SLC22A23: variants seen among roughly 807,000 people sequenced by gnomAD.
SLC22A23 encodes the protein ion transporter protein.
In SLC22A23, 26 loss-of-function variants were observed where a neutral mutation model predicts 61.0. The ratio of observed to expected loss-of-function variants is 0.43; its 90% confidence interval spans 0.31 to 0.59. SLC22A23 has a LOEUF of 0.59. Among genes scored for constraint, SLC22A23 ranks in the 20% least tolerant of loss-of-function variants. The pLI is 0.11. For synonymous variants in SLC22A23, 430 were observed against 413.9 expected (o/e 1.04, Z -0.47); for missense variants, 796 against 934.7 (o/e 0.85, Z 1.94).
Position 3,317,688 on chromosome 6 carries a change from G to A in SLC22A23, c.1082+6146C>T, listed in dbSNP as rs569892842. Among the ~76,000 whole-genome samples the A allele has an allele frequency of 2.0e-5, 3 of 152,198 alleles. No individual in the cohort carries two copies. The highest frequency in any genetic ancestry group is 2.1e-4 in the South Asian group (1 of 4,820). On this transcript the variant is annotated intron_variant, in intron 4 of 9. Coordinates refer to ENST00000406686, the MANE Select transcript of SLC22A23 (RefSeq NM_015482.2). This position sits in a 1 kb window ranked among gnomAD's most constrained non-coding sequence, Gnocchi z 4.4. ...GATGCATTTCTCTTCAGGCATCTGC[G>A]TCCATCAGTGCAATCACCCAGCGCT...
chr6:3,392,958 CAG>C (rs1384658891), intron 3 of SLC22A23, among the ~76,000 whole-genome samples: 4 of 152,094 alleles, frequency 2.6e-5, no homozygotes, highest in Admixed American at 2.0e-4. Flanking sequence ...AGCAGACACA[CAG>C]AGAGTGTAGA....
intron 3 of SLC22A23, among the ~76,000 whole-genome samples, chr6:3,340,484 A>G (rs142309819): frequency 2.7e-4 from 41 of 152,276 alleles, no homozygotes; most frequent in African/African-American, 9.9e-4. Flanking sequence ...TAACCATGAG[A>G]TAAATGAACT....
rs1180004480 is a variant in SLC22A23, at chr6:3,323,698, G to A, written c.1082+136C>T. ...TAAACAATAAAATTTTTTAAAAAGAGAGGAAAACCTTCTCAGACAGAACCA... is the reference window on the plus strand; with the variant it reads ...TAAACAATAAAATTTTTTAAAAAGAAAGGAAAACCTTCTCAGACAGAACCA... On this transcript the variant is annotated intron_variant, in intron 4 of 9. Coordinates refer to ENST00000406686, the MANE Select transcript of SLC22A23 (RefSeq NM_015482.2). 1.3e-5 allele frequency: 13 copies of A among 1,033,168 alleles called. No homozygotes were observed. In the South Asian group the frequency reaches 2.3e-4, roughly 19 times the overall value. The allele number at this position is 1,033,168 out of a possible 1,614,324, so 64.0% of individuals were successfully genotyped here.
chr6:3,431,263 G>A (rs1375491353), intron 1 of SLC22A23, among the ~76,000 whole-genome samples: 2 of 152,168 alleles, frequency 1.3e-5, no homozygotes, highest in African/African-American at 4.8e-5. Flanking sequence ...TGTTAATCAG[G>A]ACTAGACTTA....
chr6:3,284,151 CT>C (rs1759747222), intron 8 of SLC22A23, 176 bp from the exon 9 acceptor site: 1 of 570,744 alleles, frequency 1.8e-6, no homozygotes, highest in Admixed American at 3.2e-5. Flanking sequence ...CCCAGAGCCC[CT>C]GCAGTGGGTT....
chr6:3,371,326 A>C (rs2127463060), intron 3 of SLC22A23, among the ~76,000 whole-genome samples: 1 of 152,382 alleles, frequency 6.6e-6, no homozygotes, highest in South Asian at 2.1e-4. Context: ...CACCATAGAA[A>C]ATATAAGTGA....
chr6:3,352,258 C>A (rs1440996873), intron 3 of SLC22A23, among the ~76,000 whole-genome samples: 1 of 137,310 alleles, frequency 7.3e-6, no homozygotes, highest in African/African-American at 3.1e-5. Context: ...CACAAACATA[C>A]ACACACAGAC....
chr6:3,455,030 C>A (rs141089921), intron 1 of SLC22A23, among the ~76,000 whole-genome samples: 4 of 152,314 alleles, frequency 2.6e-5, no homozygotes, highest in Admixed American at 6.5e-5. Context: ...GTCTTGATAT[C>A]TCTTATATGT....
intron 3 of SLC22A23, among the ~76,000 whole-genome samples, chr6:3,341,392 C>A (rs892282347): frequency 4.6e-5 from 7 of 152,192 alleles, no homozygotes; most frequent in Non-Finnish European, 1.0e-4. Context: ...TTAGAGGACA[C>A]ACCTGAAACT....
chr6:3,283,926 C>T lies in SLC22A23; in HGVS notation c.1629G>A (p.Val543=). 2 of 1,609,776 alleles carry T rather than the reference C, an allele frequency of 1.2e-6. No individual in the cohort carries two copies. The highest frequency in any genetic ancestry group is 8.5e-7 in the Non-Finnish European group (1 of 1,176,386). The change falls in exon 9 of 10, where the codon GTG becomes GTA. Residue 543 remains valine (V), a synonymous_variant. Coordinates refer to ENST00000406686, the MANE Select transcript of SLC22A23 (RefSeq NM_015482.2). ...CCACCGCATGGGAGGCAAACATGCC[C>T]ACGATGGAAAACGCGATGGAAAATT... ...KDKFSIAFSI[V]GMFASHAVGS...
At chr6:3,314,072 TAAC>T (rs1324576795) in intron 4 of SLC22A23, among the ~76,000 whole-genome samples, 2 of 152,250 alleles carry the variant, frequency 1.3e-5, no homozygotes, top group East Asian at 1.9e-4. Flanking sequence ...ATTTCAACGA[TAAC>T]AAGAAGAAAA....
At chr6:3,307,657 A>C (rs56163342) in intron 4 of SLC22A23, among the ~76,000 whole-genome samples, 2,543 of 152,154 alleles carry the variant, frequency 0.017, 65 homozygotes, top group African/African-American at 0.058. Context: ...ACACCACGGT[A>C]GGTGCATGCT....
chr6:3,314,005 C>A (rs768302401), intron 4 of SLC22A23, among the ~76,000 whole-genome samples: 13 of 152,108 alleles, frequency 8.5e-5, no homozygotes, highest in Admixed American at 5.9e-4. Flanking sequence ...CTCCAGCCTG[C>A]GCAATAAGAG....
intron 3 of SLC22A23, among the ~76,000 whole-genome samples, chr6:3,357,698 C>T (rs1050977307): frequency 6.6e-6 from 1 of 152,140 alleles, no homozygotes; most frequent in Non-Finnish European, 1.5e-5. Flanking sequence ...AAACAGAAGG[C>T]GGCTGTGTAT....
Position 3,387,525 on chromosome 6 carries a change from A to G in SLC22A23, c.913+22663T>C. On this transcript the variant is annotated intron_variant, in intron 3 of 9. Coordinates refer to ENST00000406686, the MANE Select transcript of SLC22A23 (RefSeq NM_015482.2). This position sits in a 1 kb window ranked among gnomAD's most constrained non-coding sequence, Gnocchi z 5.0. ...TGGAACAGAAAAAGGACAGTAGAGAAAACACTGGTGAGATTCAAGGAAAGT... is the reference window on the plus strand; with the variant it reads ...TGGAACAGAAAAAGGACAGTAGAGAGAACACTGGTGAGATTCAAGGAAAGT... Among the ~76,000 whole-genome samples the G allele has an allele frequency of 6.6e-6, 1 of 152,244 alleles. No homozygotes were observed. The highest frequency in any genetic ancestry group is 2.4e-5 in the African/African-American group (1 of 41,460).
chr6:3,380,675 C>T (rs145131052), intron 3 of SLC22A23, among the ~76,000 whole-genome samples: 2 of 152,144 alleles, frequency 1.3e-5, no homozygotes, highest in African/African-American at 2.4e-5. Flanking sequence ...TTAGCAAGGA[C>T]GGGGAAAACT....
At chr6:3,290,469 C>T (rs199968963) in intron 5 of SLC22A23, 1 of 158,180 alleles carries the variant, frequency 6.3e-6, no homozygotes, top group Admixed American at 6.0e-5. Context: ...ATACACCATA[C>T]ATGCACACAT....
intron 1 of SLC22A23, among the ~76,000 whole-genome samples, chr6:3,422,188 G>A (rs975413028): frequency 3.9e-5 from 6 of 152,162 alleles, no homozygotes; most frequent in African/African-American, 4.8e-5. Flanking sequence ...TGACTGGGTC[G>A]CAGGAATTTA....
intron 3 of SLC22A23, among the ~76,000 whole-genome samples, chr6:3,371,279 G>A (rs1287599285): frequency 6.6e-6 from 1 of 152,250 alleles, no homozygotes; most frequent in East Asian, 1.9e-4. Flanking sequence ...TTTAGGTGCT[G>A]CAGGCCACAT....
Sources: allele counts gnomAD v4.1 joint callset (sites outside exome capture counted in the v4.1 genomes callset), GRCh38; gene constraint gnomAD v4.1.1; non-coding constraint Gnocchi (gnomAD v3.1); transcripts MANE v1.5; gene names NCBI Gene and HGNC (gene_info 2026-07-23, HGNC 2026-07-21).